TRPC7: variants seen among roughly 807,000 people sequenced by gnomAD.
TRPC7 encodes short transient receptor potential channel 7.
A neutral mutation model predicts 90.1 loss-of-function variants in TRPC7; 42 were observed. That is an observed-to-expected ratio of 0.47 (90% CI 0.36 to 0.60). The LOEUF is 0.60. TRPC7 is among the 20% of genes least tolerant of loss of function. The pLI is 0.00. For synonymous variants in TRPC7, 451 were observed against 436.3 expected (o/e 1.03, Z -0.42); for missense variants, 955 against 1,112.3 (o/e 0.86, Z 2.01).
Position 136,231,510 on chromosome 5 carries a change from G to A in TRPC7, c.1884C>T (p.Phe628=), listed in dbSNP as rs777473446. ...CCACTGAGATTACTTCAGATAAGCC[G>A]AATATGGACCAAAACAAAGTTTTAA... ...ESFKTLFWSI[F]GLSEVISVVL... The change falls in exon 8 of 12, where the codon TTC becomes TTT. Residue 628 remains phenylalanine, a synonymous_variant. Transcript: ENST00000513104. 17 of 1,609,086 alleles carry A rather than the reference G, an allele frequency of 1.1e-5. No individual in the cohort carries two copies. Among genetic ancestry groups the A allele is most frequent in the Middle Eastern group, 1.6e-4 (1 of 6,066 alleles).
chr5:136,299,340 C>CGTGTGTGTGT (rs529330866), intron 3 of TRPC7, among the ~76,000 whole-genome samples: 13 of 122,688 alleles, frequency 1.1e-4, no homozygotes, highest in Admixed American at 2.5e-4. Flanking sequence ...GGGGTGTGTG[C>CGTGTGTGTGT]GTGTGTGTGT....
chr5:136,246,877 T>C (rs2149803721), intron 7 of TRPC7, among the ~76,000 whole-genome samples: 1 of 152,168 alleles, frequency 6.6e-6, no homozygotes, highest in Non-Finnish European at 1.5e-5. Flanking sequence ...GTACTATTAT[T>C]ATCACCATTT....
chr5:136,274,644 A>G, intron 4 of TRPC7, 29 bp downstream of exon 4: 1 of 1,558,488 alleles, frequency 6.4e-7, no homozygotes, highest in South Asian at 1.2e-5. Context: ...AAATAACCGC[A>G]AACGACATGC....
At chr5:136,262,245 T>G (rs1292570804) in intron 5 of TRPC7, among the ~76,000 whole-genome samples, 3 of 152,230 alleles carry the variant, frequency 2.0e-5, no homozygotes, top group Non-Finnish European at 4.4e-5. Flanking sequence ...GTCACTTTTG[T>G]GCTGAAAACT....
At position 136,274,849 on chromosome 5, in the gene TRPC7, A is replaced by G. The variant is rs950725192; in HGVS notation, c.964-12T>C. The G allele has an allele frequency of 6.5e-7, 1 of 1,550,298 alleles. No homozygotes were observed. The highest frequency in any genetic ancestry group is 1.4e-5 in the African/African-American group (1 of 72,826). ...GGATGAGCAACGAACTGTAAAAACA[A>G]AACAAAAACAAAAACAAAACGCAAA... is the stretch of plus-strand genomic sequence containing the variant. On this transcript the variant is annotated splice_polypyrimidine_tract_variant and intron_variant, in intron 3 of 11. Transcript: ENST00000513104.
rs1284712280 is a variant in TRPC7, at chr5:136,225,316, A to G, written c.2301T>C (p.Asn767=). ...TGCTCAAAGTGTTATTTGCTGTCAG[A>G]TTTTCAGAATTCCTCATGCCAGCCT... is the stretch of plus-strand genomic sequence containing the variant. ...RYQAGMRNSE[N]LTANNTLSKP... is the part of the protein sequence containing the mutation. The change falls in exon 10 of 12, where the codon AAT becomes AAC. Residue 767 remains asparagine, a synonymous_variant. Coordinates refer to ENST00000513104, the MANE Select transcript of TRPC7 (RefSeq NM_020389.3). 6.2e-7 allele frequency: 1 copy of G among 1,613,068 alleles called. No homozygotes were observed. Among genetic ancestry groups the G allele is most frequent in the Non-Finnish European group, 8.5e-7 (1 of 1,179,730 alleles).
chr5:136,223,339 C>T (rs1289784919), intron 10 of TRPC7, among the ~76,000 whole-genome samples: 1 of 152,130 alleles, frequency 6.6e-6, no homozygotes, highest in Non-Finnish European at 1.5e-5. Context: ...TCCTGCTAGG[C>T]GTGGTGGCTC....
chr5:136,294,289 A>G (rs377442807), intron 3 of TRPC7, among the ~76,000 whole-genome samples: 7 of 152,164 alleles, frequency 4.6e-5, no homozygotes, highest in Admixed American at 6.5e-5. Flanking sequence ...ACTGACAAAT[A>G]GGATCTAATT....
chr5:136,231,549 C>A lies in TRPC7; in HGVS notation c.1845G>T (p.Thr615=), dbSNP rs1004141022. The change falls in exon 8 of 12, where the codon ACG becomes ACT. Residue 615 remains threonine (T), a splice_region_variant and synonymous_variant. Coordinates refer to ENST00000513104, the MANE Select transcript of TRPC7 (RefSeq NM_020389.3). ...ACAAAGTTTTAAAACTTTCTTCAAC[C>A]CTGCAAAGAAACAGACGGTCCTTTT... ...RGAKYNPAFT[T]VEESFKTLFW... is the part of the protein sequence containing the mutation. 1 of 1,587,112 alleles carries A rather than the reference C, an allele frequency of 6.3e-7. No individual in the cohort carries two copies. Among genetic ancestry groups the A allele is most frequent in the Non-Finnish European group, 8.6e-7 (1 of 1,161,480 alleles).
intron 4 of TRPC7, among the ~76,000 whole-genome samples, chr5:136,267,271 G>T (rs1757064292): frequency 6.6e-6 from 1 of 152,138 alleles, no homozygotes; most frequent in Admixed American, 6.5e-5. Context: ...CGAATTGAGG[G>T]CTGCACGTTG....
At chr5:136,347,078 A>T (rs1760030218) in intron 2 of TRPC7, among the ~76,000 whole-genome samples, 1 of 152,180 alleles carries the variant, frequency 6.6e-6, no homozygotes, top group African/African-American at 2.4e-5. Flanking sequence ...GGTTTGGCAG[A>T]AACCACCAGA....
intron 2 of TRPC7, among the ~76,000 whole-genome samples, chr5:136,323,527 T>C: frequency 6.6e-6 from 1 of 152,214 alleles, no homozygotes; most frequent in East Asian, 1.9e-4. Flanking sequence ...ATGTGAGGTG[T>C]AGGTTGAGGT....
intron 6 of TRPC7, among the ~76,000 whole-genome samples, chr5:136,250,298 C>T (rs1284541972): frequency 1.3e-5 from 2 of 152,184 alleles, no homozygotes; most frequent in Non-Finnish European, 2.9e-5. Flanking sequence ...TCAACTTTTG[C>T]GTTAAGCGAA....
chr5:136,246,789 A>AT (rs57589123), intron 7 of TRPC7, among the ~76,000 whole-genome samples: 13,298 of 152,176 alleles, frequency 0.087, 699 homozygotes, highest in African/African-American at 0.15. Context: ...AGTAAGAATA[A>AT]TTTTTTTTAC....
At position 136,266,230 on chromosome 5, in the gene TRPC7, CT is replaced by C; in HGVS notation, c.1334del (p.Lys445SerfsTer4). 1 of 1,613,756 alleles carries C rather than the reference CT, an allele frequency of 6.2e-7. No homozygotes were observed. The highest frequency in any genetic ancestry group is 8.5e-7 in the Non-Finnish European group (1 of 1,179,662). ...QFSWTEMLIM[K>X]WVLGMIWSEC... ...GAGTGACTTGCTTACCTAAGACCCA[CT>C]TCATAATGAGCATTTCTGTCCAGGA... On this transcript the variant is annotated frameshift_variant, in exon 5 of 12. Coordinates refer to ENST00000513104, the MANE Select transcript of TRPC7 (RefSeq NM_020389.3). LOFTEE classifies it high-confidence loss of function.
chr5:136,277,385 G>A (rs183629423), intron 3 of TRPC7, among the ~76,000 whole-genome samples: 1 of 152,328 alleles, frequency 6.6e-6, no homozygotes, highest in Non-Finnish European at 1.5e-5. Flanking sequence ...TAGACTTTAT[G>A]ATGTAATAAG....
At chr5:136,227,247 AG>A (rs1333805727) in intron 8 of TRPC7, among the ~76,000 whole-genome samples, 3 of 152,136 alleles carry the variant, frequency 2.0e-5, no homozygotes, top group Admixed American at 6.5e-5. Context: ...CTGTCCTAGG[AG>A]GGCAGTTTGA....
rs144082593 is a variant in TRPC7 at position 136,337,052 on chromosome 5, G to T, written c.780+19556C>A. 2.5e-3 allele frequency among the ~76,000 whole-genome samples: 387 copies of T among 152,242 alleles called. 3 individuals are homozygous for T. The highest frequency in any genetic ancestry group is 3.6e-3 in the Non-Finnish European group (247 of 68,014). On this transcript the variant is annotated intron_variant, in intron 2 of 11. Transcript: ENST00000513104. ...CCTATTAAGGCCCCAAACTAGTAATGCCTTGAAGGATCTTCTTTTATGATG... is the reference window on the plus strand; with the variant it reads ...CCTATTAAGGCCCCAAACTAGTAATTCCTTGAAGGATCTTCTTTTATGATG...
intron 3 of TRPC7, among the ~76,000 whole-genome samples, chr5:136,286,842 C>A (rs913175321): frequency 2.1e-4 from 32 of 152,190 alleles, no homozygotes; most frequent in African/African-American, 7.7e-4. Flanking sequence ...TGACATTCAT[C>A]CTCTGCTCCT....
Sources: allele counts gnomAD v4.1 joint callset (sites outside exome capture counted in the v4.1 genomes callset), GRCh38; gene constraint gnomAD v4.1.1; transcripts MANE v1.5; gene names NCBI Gene and HGNC (gene_info 2026-07-23, HGNC 2026-07-21).